HCRTR2: variants seen among roughly 807,000 people sequenced by gnomAD.
HCRTR2 encodes the protein hypocretin receptor 2, also known as orexin receptor type 2.
Under a neutral mutation model 49.0 loss-of-function variants are expected in HCRTR2, and 22 were observed. The observed-to-expected ratio is 0.45, with a 90% confidence interval of 0.32 to 0.64. HCRTR2 has a LOEUF of 0.64. Among genes scored for constraint, HCRTR2 ranks in the 30% least tolerant of loss-of-function variants. HCRTR2 has a pLI of 0.04. For synonymous variants in HCRTR2, 236 were observed against 205.3 expected, an observed-to-expected ratio of 1.15 and a Z score of -1.28; for missense variants, 491 against 559.4, an observed-to-expected ratio of 0.88 and a Z score of 1.23.
intron 1 of HCRTR2, among the ~76,000 whole-genome samples, chr6:55,142,238 C>T (rs1332898314): frequency 6.6e-6 from 1 of 151,874 alleles, no homozygotes; most frequent in Non-Finnish European, 1.5e-5. Context: ...GCTCTGTCGC[C>T]CAGGCTAGAG....
intron 1 of HCRTR2, among the ~76,000 whole-genome samples, chr6:55,108,593 T>G (rs1200232458): frequency 6.6e-6 from 1 of 151,586 alleles, no homozygotes; most frequent in African/African-American, 2.4e-5. Flanking sequence ...TGAAATGAAT[T>G]TAGAGAGCTG....
At chr6:55,201,549 T>C (rs1765513396) in intron 1 of HCRTR2, among the ~76,000 whole-genome samples, 1 of 152,188 alleles carries the variant, frequency 6.6e-6, no homozygotes, top group Non-Finnish European at 1.5e-5. Flanking sequence ...GGTGATTCTT[T>C]TTGCTCATTT....
chr6:55,175,503 C>T (rs758547270), intron 1 of HCRTR2, among the ~76,000 whole-genome samples: 1 of 152,068 alleles, frequency 6.6e-6, no homozygotes, highest in Non-Finnish European at 1.5e-5. Flanking sequence ...TACATCCATT[C>T]AGCCAAATAT....
chr6:55,280,592 A>G, intron 6 of HCRTR2, 148 bp downstream of exon 6: 5 of 1,061,632 alleles, frequency 4.7e-6, no homozygotes, highest in Non-Finnish European at 5.5e-6. Context: ...TTCTCTTTTG[A>G]GGCAAAGTAT....
intron 1 of HCRTR2, 145 bp downstream of exon 1, chr6:55,174,955 A>G (rs1765013443): frequency 4.7e-6 from 3 of 642,112 alleles, no homozygotes; most frequent in Middle Eastern, 4.2e-4. Context: ...ATAAAATAAT[A>G]ATAATAATAG....
intron 5 of HCRTR2, among the ~76,000 whole-genome samples, chr6:55,280,010 A>G (rs911141914): frequency 1.3e-5 from 2 of 152,202 alleles, no homozygotes; most frequent in Non-Finnish European, 2.9e-5. Context: ...AATTGTATTT[A>G]GAAAGAAAAT....
rs777871106 is a variant in HCRTR2 at position 55,226,711 on chromosome 6, G to GTTTTT, written c.224-21908_224-21904dup. 1.5e-3 allele frequency among the ~76,000 whole-genome samples: 108 copies of GTTTTT among 74,292 alleles called. 10 individuals carry two copies. Among genetic ancestry groups the GTTTTT allele is most frequent in the African/African-American group, 4.8e-3 (80 of 16,810 alleles). The allele number at this position is 74,292 out of a possible 152,430, so 48.7% of individuals were successfully genotyped here. On this transcript the variant is annotated intron_variant, in intron 1 of 6. Transcript: ENST00000370862. Reference sequence around the variant, plus strand: ...TGTAGAGTGATACCAAATTCCAGGTGTTTTTTTTTTTTTTTTTTTTTTTTG... The same window carrying GTTTTT: ...TGTAGAGTGATACCAAATTCCAGGTGTTTTTTTTTTTTTTTTTTTTTTTTTTTTTG...
chr6:55,191,638 A>T (rs573976986), intron 1 of HCRTR2, among the ~76,000 whole-genome samples: 1 of 152,336 alleles, frequency 6.6e-6, no homozygotes, highest in South Asian at 2.1e-4. Flanking sequence ...CACCAGAATT[A>T]TATGACAGTC....
At chr6:55,217,717 CT>C (rs1449489225) in intron 1 of HCRTR2, among the ~76,000 whole-genome samples, 2 of 152,184 alleles carry the variant, frequency 1.3e-5, no homozygotes, top group Non-Finnish European at 2.9e-5. Flanking sequence ...ATGATTCAGA[CT>C]TTCCCTAGTC....
intron 1 of HCRTR2, among the ~76,000 whole-genome samples, chr6:55,136,531 A>G (rs1764436209): frequency 6.6e-6 from 1 of 152,204 alleles, no homozygotes; most frequent in Non-Finnish European, 1.5e-5. Flanking sequence ...TAAATTACAG[A>G]ATAACTCTGC....
At chr6:55,176,525 A>T (rs926582437) in intron 1 of HCRTR2, among the ~76,000 whole-genome samples, 1 of 152,196 alleles carries the variant, frequency 6.6e-6, no homozygotes, top group African/African-American at 2.4e-5. Flanking sequence ...ATAAGTGAAT[A>T]ATCAAAATTG....
intron 4 of HCRTR2, among the ~76,000 whole-genome samples, chr6:55,274,213 C>G (rs777092477): frequency 8.4e-5 from 11 of 130,632 alleles, no homozygotes; most frequent in Non-Finnish European, 1.4e-4. Context: ...TCTTTATTAT[C>G]TCTCTGCAAT....
At chr6:55,170,070 G>T (rs956717268), upstream of HCRTR2, among the ~76,000 whole-genome samples, 4 of 150,790 alleles carry the variant, frequency 2.7e-5, no homozygotes, top group African/African-American at 9.8e-5. Context: ...ACCTGAGTTT[G>T]AGATTTATTT....
intron 1 of HCRTR2, among the ~76,000 whole-genome samples, chr6:55,227,780 G>A (rs1206683887): frequency 1.3e-5 from 2 of 151,936 alleles, no homozygotes; most frequent in African/African-American, 2.4e-5. Context: ...TTTCTACTGT[G>A]AACAAAGCAA....
At chr6:55,144,429 C>G (rs1308957649) in intron 1 of HCRTR2, among the ~76,000 whole-genome samples, 3 of 152,096 alleles carry the variant, frequency 2.0e-5, no homozygotes, top group Admixed American at 2.0e-4. Flanking sequence ...AGCTCTTTCT[C>G]TGTCTTCTGC....
At chr6:55,267,619 C>T (rs1362400817) in intron 4 of HCRTR2, among the ~76,000 whole-genome samples, 1 of 152,048 alleles carries the variant, frequency 6.6e-6, no homozygotes, top group African/African-American at 2.4e-5. Context: ...AGCACGTACT[C>T]TGTGTCAGCT....
chr6:55,119,349 G>T (rs1274908523), intron 1 of HCRTR2, among the ~76,000 whole-genome samples: 2 of 151,922 alleles, frequency 1.3e-5, no homozygotes, highest in Admixed American at 6.6e-5. Flanking sequence ...TCCTTGAGGA[G>T]ATGCCACACT....
intron 1 of HCRTR2, among the ~76,000 whole-genome samples, chr6:55,169,276 T>C (rs2127266380): frequency 6.6e-6 from 1 of 151,852 alleles, no homozygotes. Context: ...GATCTAATAA[T>C]GCAGGACAGG....
intron 1 of HCRTR2, among the ~76,000 whole-genome samples, chr6:55,236,900 G>A (rs1766224638): frequency 6.6e-6 from 1 of 152,016 alleles, no homozygotes; most frequent in Admixed American, 6.5e-5. Context: ...TTTAAAGATT[G>A]CTTTTGTCTC....
Sources: gnomAD v4.1 joint callset for allele counts (sites outside exome capture counted in the v4.1 genomes callset) on GRCh38, gnomAD v4.1.1 for gene constraint, MANE v1.5 for transcripts, NCBI Gene and HGNC (gene_info 2026-07-23, HGNC 2026-07-21) for gene names.